Variants in AKNAD1 observed in about 807,000 individuals in gnomAD.
AKNAD1 encodes the protein AKNA domain containing 1.
Under a neutral mutation model 90.8 loss-of-function variants are expected in AKNAD1, and 67 were observed. That is an observed-to-expected ratio of 0.74 (90% CI 0.61 to 0.90). The LOEUF is 0.90. Among genes scored for constraint, AKNAD1 ranks in the 40% least tolerant of loss-of-function variants. AKNAD1 has a pLI of 0.00. For missense variants in AKNAD1, 957 were observed against 975.4 expected (o/e 0.98, Z 0.25); for synonymous variants, 327 against 341.4 (o/e 0.96, Z 0.46).
rs745480029 is a variant in AKNAD1 at position 108,852,508 on chromosome 1, C to A, written c.157G>T (p.Asp53Tyr). 1.9e-5 allele frequency: 30 copies of A among 1,614,096 alleles called. No homozygotes were observed. The highest frequency in any genetic ancestry group is 2.5e-5 in the Non-Finnish European group (29 of 1,180,004). ...CTATGCATAGCCTTCTCTTGAGGGT[C>A]ATCTGCTATGAAAATAATTTGATTT... ...VLNQIIFIAD[D>Y]PQEKAMHSET... is the part of the protein sequence containing the mutation. The change falls in exon 2 of 16, where the codon GAC (aspartate) becomes TAC (tyrosine). Residue 53 changes from aspartate (D) to tyrosine (Y), a missense_variant. By Grantham distance (160) the Asp-to-Tyr change is radical. Transcript: ENST00000370001.
chr1:108,840,364 A>G (rs1664514715), intron 6 of AKNAD1, among the ~76,000 whole-genome samples: 1 of 152,236 alleles, frequency 6.6e-6, no homozygotes, highest in Non-Finnish European at 1.5e-5. Context: ...TAAAATAGCT[A>G]GTAATAAACC....
At chr1:108,849,154 C>T in intron 3 of AKNAD1, 94 bp from the exon 4 acceptor site, 1 of 1,107,762 alleles carries the variant, frequency 9.0e-7, no homozygotes, top group Non-Finnish European at 1.3e-6. Flanking sequence ...CAGTCACCAC[C>T]ACTTACTATT....
chr1:108,854,117 C>T (rs995752907), intron 1 of AKNAD1, among the ~76,000 whole-genome samples: 1 of 152,144 alleles, frequency 6.6e-6, no homozygotes, highest in African/African-American at 2.4e-5. Flanking sequence ...CTGGTGGTAC[C>T]AGACTCTTTG....
At chr1:108,852,819 C>G in intron 1 of AKNAD1, 52 bp from the exon 2 acceptor site, 1 of 584,450 alleles carries the variant, frequency 1.7e-6, no homozygotes, top group Non-Finnish European at 2.7e-6. Flanking sequence ...ATAATGTATA[C>G]AACTATGCCA....
At chr1:108,819,919 C>CAAAAAAAA (rs71591113) in intron 14 of AKNAD1, among the ~76,000 whole-genome samples, 1 of 129,066 alleles carries the variant, frequency 7.7e-6, no homozygotes, top group Non-Finnish European at 1.6e-5. Context: ...GAATTAACAG[C>CAAAAAAAA]AAAAAAAAAA....
intron 13 of AKNAD1, chr1:108,823,063 T>C (rs772519808): frequency 2.5e-5 from 16 of 639,366 alleles, no homozygotes; most frequent in Non-Finnish European, 3.7e-5. Flanking sequence ...GTAGTGATTA[T>C]CCAGTAAGTC....
chr1:108,848,624 G>A (rs1664770459), intron 5 of AKNAD1, 128 bp downstream of exon 5: 8 of 806,718 alleles, frequency 9.9e-6, no homozygotes, highest in Non-Finnish European at 1.6e-5. Flanking sequence ...AAACAAAGAT[G>A]GTTTAATCTT....
At chr1:108,823,813 G>A (rs771295327) in intron 11 of AKNAD1, 125 bp from the exon 12 acceptor site, 411 of 1,451,262 alleles carry the variant, frequency 2.8e-4, no homozygotes, top group Middle Eastern at 2.2e-3. Flanking sequence ...TTAATGTCCC[G>A]GCTGTGTCAC....
intron 6 of AKNAD1, among the ~76,000 whole-genome samples, chr1:108,841,000 G>A (rs922705533): frequency 7.2e-5 from 11 of 151,872 alleles, no homozygotes; most frequent in East Asian, 3.9e-4. Context: ...GTGAAACCCC[G>A]TCTTTACTAA....
chr1:108,851,739 G>A lies in AKNAD1; in HGVS notation c.926C>T (p.Ser309Leu), dbSNP rs139331299. The stretch of plus-strand genomic sequence containing the variant: ...TTGATGTTGTTTTTCAACACAGTTT[G>A]ACTCAGGCGTGGTTTCTAGACTATC... ...VQDSLETTPESNCVEKQHQEQ... is the reference protein window; with the variant it reads ...VQDSLETTPELNCVEKQHQEQ... The change falls in exon 2 of 16, where the codon TCA (serine) becomes TTA (leucine). Residue 309 changes from serine to leucine, a missense_variant. Transcript: ENST00000370001. The A allele has an allele frequency of 1.2e-5, 20 of 1,608,344 alleles. 1 individual carries two copies. The African/African-American group carries it at 2.0e-4, about 16-fold the overall frequency.
chr1:108,857,104 T>C (rs1357592912), upstream of AKNAD1: 1 of 152,192 alleles, frequency 6.6e-6, no homozygotes, highest in African/African-American at 2.4e-5. Context: ...TGACTACATT[T>C]GGGGCCACGC....
rs778267225 is a variant in AKNAD1 at position 108,852,499 on chromosome 1, C to A, written c.166G>T (p.Glu56Ter). 12 of 1,614,128 alleles carry A rather than the reference C, an allele frequency of 7.4e-6. No individual in the cohort carries two copies. Among genetic ancestry groups the A allele is most frequent in the Non-Finnish European group, 8.5e-6 (10 of 1,180,014 alleles). ...QIIFIADDPQ[E>*]KAMHSETCGN... ...CAAGTCTCACTATGCATAGCCTTCT[C>A]TTGAGGGTCATCTGCTATGAAAATA... is the stretch of plus-strand genomic sequence containing the variant. Residue 56 changes from glutamate (E) to a stop codon, truncating the protein, a stop_gained, in exon 2 of 16, where the codon GAG becomes TAG. Transcript: ENST00000370001. LOFTEE classifies it high-confidence loss of function.
Position 108,851,657 on chromosome 1 carries a change from G to C in AKNAD1, c.993+15C>G, listed in dbSNP as rs764319863. On this transcript the variant is annotated intron_variant, in intron 2 of 15. Coordinates refer to ENST00000370001, the MANE Select transcript of AKNAD1 (RefSeq NM_152763.5). ...GGTCCCAATTAATGTGTTTACAGGA[G>C]ACTGTTTCATTTACCTGGATTTGTT... 1 of 1,565,888 alleles carries C rather than the reference G, an allele frequency of 6.4e-7. No homozygotes were observed. Among genetic ancestry groups the C allele is most frequent in the Non-Finnish European group, 8.6e-7 (1 of 1,161,782 alleles).
intron 13 of AKNAD1, among the ~76,000 whole-genome samples, chr1:108,821,426 G>A (rs1405179125): frequency 6.6e-6 from 1 of 151,660 alleles, no homozygotes; most frequent in Non-Finnish European, 1.5e-5. Flanking sequence ...ACTCCAGCCT[G>A]GGTGACAGAG....
intron 13 of AKNAD1, 65 bp from the exon 14 acceptor site, chr1:108,820,691 AT>A: frequency 1.2e-6 from 1 of 866,014 alleles, no homozygotes; most frequent in Non-Finnish European, 1.9e-6. Flanking sequence ...GTGCCTATGT[AT>A]CATTCCTTGA....
chr1:108,855,489 G>GT lies in AKNAD1; in HGVS notation c.-104+1439dup, dbSNP rs1409303720. On this transcript the variant is annotated intron_variant, in intron 1 of 15. Coordinates refer to ENST00000370001, the MANE Select transcript of AKNAD1 (RefSeq NM_152763.5). ...AATCTGTAAATAAATATATTTGAAG[G>GT]TAAAAAAAAAAATCAGGCTGGATGA... Among the ~76,000 whole-genome samples, 6 of 134,324 alleles carry GT rather than the reference G, an allele frequency of 4.5e-5. No homozygotes were observed. The South Asian group carries it at 7.2e-4, about 16-fold the overall frequency. The allele number at this position is 134,324 out of a possible 152,430, so 88.1% of individuals were successfully genotyped here.
chr1:108,825,913 G>A (rs1172488784), intron 11 of AKNAD1, among the ~76,000 whole-genome samples: 1 of 151,610 alleles, frequency 6.6e-6, no homozygotes, highest in African/African-American at 2.4e-5. Flanking sequence ...ATCATTTTAC[G>A]TTTTGGCAAA....
At chr1:108,823,152 G>A in intron 13 of AKNAD1, 1 of 717,290 alleles carries the variant, frequency 1.4e-6, no homozygotes, top group Non-Finnish European at 2.6e-6. Context: ...AAAGTCCTTG[G>A]TCACTGCGAT....
At chr1:108,842,698 A>G (rs1173939590) in intron 6 of AKNAD1, among the ~76,000 whole-genome samples, 1 of 152,136 alleles carries the variant, frequency 6.6e-6, no homozygotes, top group Non-Finnish European at 1.5e-5. Flanking sequence ...AGGCAAGGAC[A>G]ATAAAGGCAG....
Sources: gnomAD v4.1 joint callset for allele counts (sites outside exome capture counted in the v4.1 genomes callset) on GRCh38, gnomAD v4.1.1 for gene constraint, MANE v1.5 for transcripts, NCBI Gene and HGNC (gene_info 2026-07-23, HGNC 2026-07-21) for gene names.